The following TFEB variants were observed in gnomAD, a reference collection of about 807,000 sequenced individuals.
TFEB encodes T-cell transcription factor EB.
TFEB carries 12 observed loss-of-function variants against 48.0 expected under a neutral mutation model. That is an observed-to-expected ratio of 0.25 (90% confidence interval 0.16 to 0.40). The LOEUF (loss-of-function observed/expected upper bound fraction) is 0.40. Among genes scored for constraint, TFEB ranks in the 10% least tolerant of loss-of-function variants. TFEB has a pLI of 1.00. For missense variants in TFEB, 509 were observed against 640.3 expected (o/e 0.79, Z 2.21); for synonymous variants, 244 against 261.4 (o/e 0.93, Z 0.64).
chr6:41,701,944 CAAAAAA>C (rs58971184), intron 1 of TFEB, among the ~76,000 whole-genome samples: 1 of 109,694 alleles, frequency 9.1e-6, no homozygotes, highest in Non-Finnish European at 1.9e-5. Flanking sequence ...GGCTCCGTCT[CAAAAAA>C]AAAAAAAAAA....
intron 1 of TFEB, among the ~76,000 whole-genome samples, chr6:41,706,763 A>G (rs994677921): frequency 6.6e-6 from 1 of 150,684 alleles, no homozygotes; most frequent in African/African-American, 2.4e-5. Context: ...ACAGCCCACC[A>G]AGTCACCCAC....
chr6:41,728,405 A>G (rs1364103472), intron 1 of TFEB, among the ~76,000 whole-genome samples: 2 of 152,160 alleles, frequency 1.3e-5, no homozygotes, highest in Admixed American at 6.5e-5. Flanking sequence ...TACGGTTCCA[A>G]TTAGCCCCAA....
At position 41,719,305 on chromosome 6, in the gene TFEB, T is replaced by C. The variant is rs138171242; in HGVS notation, c.-23+16045A>G. Among the ~76,000 whole-genome samples the C allele has an allele frequency of 1.5e-3, 222 of 152,294 alleles. 1 individual carries two copies. The highest frequency in any genetic ancestry group is 4.8e-3 in the African/African-American group (201 of 41,558). On this transcript the variant is annotated intron_variant, in intron 1 of 8. Coordinates refer to ENST00000373033, the MANE Select transcript of TFEB (RefSeq NM_001271944.2). ...GTTGTATAATTATTTCATCATATAT[T>C]ACAATGTAATAATAATAGAAATAAA...
chr6:41,726,728 C>T (rs944617997), intron 1 of TFEB, among the ~76,000 whole-genome samples: 4 of 152,018 alleles, frequency 2.6e-5, no homozygotes, highest in African/African-American at 9.7e-5. Context: ...CGTGAGCCAC[C>T]GCACCCAGCC....
At chr6:41,708,724 G>C (rs1459287267) in intron 1 of TFEB, among the ~76,000 whole-genome samples, 3 of 152,192 alleles carry the variant, frequency 2.0e-5, no homozygotes, top group Non-Finnish European at 2.9e-5. Context: ...GTTATGACCT[G>C]ATACTGAATA....
rs771520725 is a variant in TFEB at position 41,723,464 on chromosome 6, C to T, written c.-23+11886G>A. The T allele has an allele frequency of 5.4e-6, 7 of 1,288,708 alleles. No homozygotes were observed. The highest frequency in any genetic ancestry group is 2.5e-5 in the South Asian group (2 of 80,992). 79.8% of individuals were successfully genotyped at this position (1,288,708 alleles called of 1,614,324 possible). ...ATGCACGCGTGTGCTCTCATACCTTCGAGAGGGCAGCCCCCTGGAAGGAGG... is the reference window on the plus strand; with the variant it reads ...ATGCACGCGTGTGCTCTCATACCTTTGAGAGGGCAGCCCCCTGGAAGGAGG... On this transcript the variant is annotated intron_variant, in intron 1 of 8. Transcript: ENST00000373033. This position sits in a 1 kb window ranked among gnomAD's most constrained non-coding sequence, Gnocchi z 6.0.
At chr6:41,714,366 A>C (rs1194744056) in intron 1 of TFEB, among the ~76,000 whole-genome samples, 1 of 152,192 alleles carries the variant, frequency 6.6e-6, no homozygotes, top group Admixed American at 6.5e-5. Context: ...ACAAACTGTA[A>C]CTCACATTGG....
Position 41,691,150 on chromosome 6 carries a change from G to A in TFEB, c.64C>T (p.Arg22Trp), listed in dbSNP as rs1212743510. The A allele has an allele frequency of 1.1e-5, 17 of 1,590,828 alleles. No individual in the cohort carries two copies. The highest frequency in any genetic ancestry group is 2.3e-5 in the South Asian group (2 of 88,242). The part of the protein sequence containing the change: ...MREQAQQEEQ[R>W]ERMQQQAVMH... ...ACAGCCTGTTGCTGCATGCGCTCCC[G>A]CTGCTCCTCCTGCTGCGCCTGCTCC... is the stretch of plus-strand genomic sequence containing the variant. Residue 22 changes from arginine to tryptophan, a missense_variant, in exon 2 of 9, where the codon CGG becomes TGG. Arg to Trp is a moderately radical substitution (Grantham distance 101). Coordinates refer to ENST00000373033, the MANE Select transcript of TFEB (RefSeq NM_001271944.2). The surrounding 1 kb of genome is among the most constrained non-coding windows in gnomAD (Gnocchi z 5.2).
At position 41,723,194 on chromosome 6, in the gene TFEB, A is replaced by G. The variant is rs1771055248; in HGVS notation, c.-23+12156T>C. 6.6e-6 allele frequency among the ~76,000 whole-genome samples: 1 copy of G among 151,844 alleles called. No individual in the cohort carries two copies. On this transcript the variant is annotated intron_variant, in intron 1 of 8. Transcript: ENST00000373033. This position sits in a 1 kb window ranked among gnomAD's most constrained non-coding sequence, Gnocchi z 6.0. ...TGATTTCCCACGCTGTCCAACCTGC[A>G]CTCCAGAGCTTGGCCACCTTCTTCC...
At chr6:41,692,451 T>G (rs1488745897) in intron 1 of TFEB, among the ~76,000 whole-genome samples, 1 of 152,082 alleles carries the variant, frequency 6.6e-6, no homozygotes, top group Non-Finnish European at 1.5e-5. Flanking sequence ...GAGGGCCACT[T>G]CCAGGCACCT....
In TFEB at chr6:41,697,624, T is replaced by A. The variant is rs528874784; in HGVS notation, c.-22-6389A>T. On this transcript the variant is annotated intron_variant, in intron 1 of 8. Transcript: ENST00000373033. ...TTTGGAAAAGCAATTTGGCAATATA[T>A]GTCAAAGCCTTGAAAAATATTCACC... Among the ~76,000 whole-genome samples the A allele has an allele frequency of 6.0e-5, 9 of 151,222 alleles. No homozygotes were observed. In the East Asian group the frequency reaches 1.8e-3, roughly 30 times the overall value.
chr6:41,727,348 C>T (rs1325282965), intron 1 of TFEB, among the ~76,000 whole-genome samples: 1 of 152,124 alleles, frequency 6.6e-6, no homozygotes, highest in Non-Finnish European at 1.5e-5. Flanking sequence ...GCTGCAGATG[C>T]TGTGGAACTA....
At chr6:41,713,385 C>G (rs1461509522) in intron 1 of TFEB, among the ~76,000 whole-genome samples, 3 of 152,180 alleles carry the variant, frequency 2.0e-5, no homozygotes, top group Non-Finnish European at 4.4e-5. Flanking sequence ...CAGTGCTGAC[C>G]ACAGCATCCC....
intron 1 of TFEB, among the ~76,000 whole-genome samples, chr6:41,716,268 C>G (rs150256059): frequency 0.014 from 2,134 of 152,320 alleles, 46 homozygotes; most frequent in African/African-American, 0.048. Context: ...CAGTCTCACC[C>G]CAGTGGTACA....
Position 41,730,006 on chromosome 6 carries a change from G to A in TFEB, c.-23+5344C>T, listed in dbSNP as rs1336641365. Reference sequence around the variant, plus strand: ...TCAAATTCTAGACCACATGGAATTTGCAGAAACACCGGGAGGGGCCCAGCA... The same window carrying A: ...TCAAATTCTAGACCACATGGAATTTACAGAAACACCGGGAGGGGCCCAGCA... On this transcript the variant is annotated intron_variant, in intron 1 of 8. Transcript: ENST00000373033. This position sits in a 1 kb window ranked among gnomAD's most constrained non-coding sequence, Gnocchi z 4.1. Among the ~76,000 whole-genome samples, 1 of 152,162 alleles carries A rather than the reference G, an allele frequency of 6.6e-6. No individual in the cohort carries two copies. The highest frequency in any genetic ancestry group is 1.5e-5 in the Non-Finnish European group (1 of 68,032).
upstream of TFEB, among the ~76,000 whole-genome samples, chr6:41,735,847 C>T (rs1229888316): frequency 6.6e-6 from 1 of 151,848 alleles, no homozygotes; most frequent in Non-Finnish European, 1.5e-5. Context: ...CAAACCAGGG[C>T]TCACTAAGAT....
At position 41,733,903 on chromosome 6, in the gene TFEB, G is replaced by A. The variant is rs73733014; in HGVS notation, c.-23+1447C>T. On this transcript the variant is annotated intron_variant, in intron 1 of 8. Transcript: ENST00000373033. ...CCAGCCTCCAACCTCATCCCCAGCT[G>A]CCCAACAGTGCCAGGTCTGGGCCAA... 5,783 of 985,478 alleles carry A rather than the reference G, an allele frequency of 5.9e-3. 279 individuals carry two copies. In the African/African-American group the frequency reaches 0.092, roughly 16 times the overall value. 61.0% of individuals were successfully genotyped at this position (985,478 alleles called of 1,614,324 possible).
chr6:41,715,223 A>G lies in TFEB; in HGVS notation c.-23+20127T>C, dbSNP rs373717503. On this transcript the variant is annotated intron_variant, in intron 1 of 8. Transcript: ENST00000373033. ...CATGTTGCGGAAGTCTGGAGGAAGC[A>G]GGGAGTATGTGCGGACCACACAGCT... Among the ~76,000 whole-genome samples, 4 of 152,294 alleles carry G rather than the reference A, an allele frequency of 2.6e-5. No individual in the cohort carries two copies. In the East Asian group the frequency reaches 5.8e-4, roughly 22 times the overall value.
At chr6:41,688,802 C>T (rs1043137252) in intron 4 of TFEB, among the ~76,000 whole-genome samples, 3 of 152,194 alleles carry the variant, frequency 2.0e-5, no homozygotes, top group Admixed American at 6.5e-5. Flanking sequence ...AGCCACTCAG[C>T]GATGTCACCA....
Sources: allele counts gnomAD v4.1 joint callset (sites outside exome capture counted in the v4.1 genomes callset), GRCh38; gene constraint gnomAD v4.1.1; non-coding constraint Gnocchi (gnomAD v3.1); transcripts MANE v1.5; gene names NCBI Gene and HGNC (gene_info 2026-07-23, HGNC 2026-07-21).